Variants in PRR16 observed in about 807,000 individuals in gnomAD.
The protein encoded by PRR16 is protein Largen.
A neutral mutation model predicts 18.2 loss-of-function variants in PRR16; 6 were observed. The observed-to-expected ratio is 0.33, with a 90% CI of 0.18 to 0.65. The LOEUF (loss-of-function observed/expected upper bound fraction) is 0.65, where lower values mean the gene tolerates loss of function less well. Among genes scored for constraint, PRR16 ranks in the 30% least tolerant of loss-of-function variants. The pLI is 0.74. For missense variants in PRR16, 412 were observed against 376.6 expected, an observed-to-expected ratio of 1.09 and a Z score of -0.78; for synonymous variants, 151 against 147.8, an observed-to-expected ratio of 1.02 and a Z score of -0.16.
intron 1 of PRR16, among the ~76,000 whole-genome samples, chr5:120,635,446 T>G (rs1755195142): frequency 6.6e-6 from 1 of 152,110 alleles, no homozygotes; most frequent in South Asian, 2.1e-4. Context: ...AAACCAGGGA[T>G]GCAGGGATGG....
At chr5:120,467,303 A>T (rs1451620041) in intron 1 of PRR16, among the ~76,000 whole-genome samples, 1 of 152,194 alleles carries the variant, frequency 6.6e-6, no homozygotes, top group Non-Finnish European at 1.5e-5. Flanking sequence ...ATATTTTAAT[A>T]TAAATTATCG....
chr5:120,708,152 C>G, the PRR16 span, among the ~76,000 whole-genome samples: 1 of 152,184 alleles, frequency 6.6e-6, no homozygotes, highest in East Asian at 1.9e-4. Context: ...CCATTCTCAT[C>G]CCAGTTAAAT....
chr5:120,638,678 A>G (rs1281883679), intron 1 of PRR16, among the ~76,000 whole-genome samples: 1 of 152,138 alleles, frequency 6.6e-6, no homozygotes, highest in Non-Finnish European at 1.5e-5. Flanking sequence ...TCTTTTTTAA[A>G]CACAGATTCA....
chr5:120,464,490 T>C lies in PRR16; in HGVS notation c.4T>C (p.Ser2Pro). The C allele has an allele frequency of 6.3e-7, 1 of 1,587,354 alleles. No homozygotes were observed. Among genetic ancestry groups the C allele is most frequent in the Non-Finnish European group, 8.5e-7 (1 of 1,174,962 alleles). ...CTGCCTCGCTTGCCCCCAAAGAATG[T>C]CAGCCAAGTCCAAGGGGAACCCCTC... is the stretch of plus-strand genomic sequence containing the variant. M[S>P]AKSKGNPSSS... is the part of the protein sequence containing the mutation. Residue 2 changes from serine (S) to proline (P), a missense_variant, in exon 1 of 2, where the codon TCA (serine) becomes CCA (proline). Ser to Pro is a moderately conservative substitution (Grantham distance 74, BLOSUM62 -1). Transcript: ENST00000407149.
chr5:120,474,686 A>G (rs1749382750), intron 1 of PRR16, among the ~76,000 whole-genome samples: 1 of 151,794 alleles, frequency 6.6e-6, no homozygotes, highest in African/African-American at 2.4e-5. Flanking sequence ...ATGCCTTCCA[A>G]TTTCCATCCA....
chr5:120,665,710 A>G (rs1409674317), intron 1 of PRR16, among the ~76,000 whole-genome samples: 1 of 152,240 alleles, frequency 6.6e-6, no homozygotes, highest in African/African-American at 2.4e-5. Context: ...TTTATTAAAT[A>G]GGGAATCCTT....
At chr5:120,640,767 A>C (rs1056942262) in intron 1 of PRR16, among the ~76,000 whole-genome samples, 3 of 152,120 alleles carry the variant, frequency 2.0e-5, no homozygotes, top group African/African-American at 7.2e-5. Flanking sequence ...AAACAAATCA[A>C]AACAAAACAC....
chr5:120,690,188 G>A (rs957343752), downstream of PRR16, among the ~76,000 whole-genome samples: 3 of 152,140 alleles, frequency 2.0e-5, no homozygotes, highest in Non-Finnish European at 4.4e-5. Context: ...CATGACTAGA[G>A]CAGCAGCTAC....
chr5:120,605,121 G>T (rs1225303102), intron 1 of PRR16, among the ~76,000 whole-genome samples: 1 of 152,120 alleles, frequency 6.6e-6, no homozygotes, highest in Non-Finnish European at 1.5e-5. Flanking sequence ...TGGTTTTGTG[G>T]ACAGTATTCT....
chr5:120,716,889 TAAAAC>T, the PRR16 span, among the ~76,000 whole-genome samples: 12 of 147,812 alleles, frequency 8.1e-5, no homozygotes, highest in East Asian at 1.9e-4. Flanking sequence ...CAAAACAAAA[TAAAAC>T]AAACAAAAAT....
chr5:120,597,565 G>A (rs1253537961), intron 1 of PRR16, among the ~76,000 whole-genome samples: 6 of 151,726 alleles, frequency 4.0e-5, no homozygotes, highest in African/African-American at 7.3e-5. Context: ...CTCAAACAAC[G>A]TGTAGTCTTT....
chr5:120,767,047 C>A, the PRR16 span, among the ~76,000 whole-genome samples: 1 of 151,806 alleles, frequency 6.6e-6, no homozygotes, highest in Admixed American at 6.6e-5. Flanking sequence ...GTTTATGTAT[C>A]CATTCTTTAA....
At chr5:120,511,323 T>G (rs562979459) in intron 1 of PRR16, among the ~76,000 whole-genome samples, 55 of 152,268 alleles carry the variant, frequency 3.6e-4, no homozygotes, top group African/African-American at 1.2e-3. Flanking sequence ...CAAAATGGAC[T>G]CTCTCTTGGA....
At chr5:120,608,191 A>ATCTT (rs1754217773) in intron 1 of PRR16, among the ~76,000 whole-genome samples, 1 of 152,198 alleles carries the variant, frequency 6.6e-6, no homozygotes, top group Admixed American at 6.5e-5. Flanking sequence ...TGAAATCCAG[A>ATCTT]GGTTTCTGAT....
intron 1 of PRR16, among the ~76,000 whole-genome samples, chr5:120,604,549 C>G (rs1422304235): frequency 1.3e-5 from 2 of 152,080 alleles, no homozygotes; most frequent in African/African-American, 2.4e-5. Flanking sequence ...CATTTCCATT[C>G]AAGTTCAATA....
the PRR16 span, among the ~76,000 whole-genome samples, chr5:120,700,150 G>C: frequency 3.9e-5 from 6 of 152,122 alleles, no homozygotes; most frequent in Admixed American, 6.6e-5. Flanking sequence ...CCACGGGGTG[G>C]ATAGGCAAAA....
At chr5:120,666,313 C>G (rs1756374603) in intron 1 of PRR16, among the ~76,000 whole-genome samples, 1 of 152,114 alleles carries the variant, frequency 6.6e-6, no homozygotes, top group Admixed American at 6.5e-5. Flanking sequence ...GATTTTGTAT[C>G]CTGAGACTTT....
chr5:120,785,896 C>G, the PRR16 span, among the ~76,000 whole-genome samples: 2 of 151,060 alleles, frequency 1.3e-5, no homozygotes, highest in Non-Finnish European at 3.0e-5. Flanking sequence ...CTCTTTTTTC[C>G]TGATTTCTAA....
chr5:120,670,872 C>T (rs1256986864), intron 1 of PRR16, among the ~76,000 whole-genome samples: 18 of 152,126 alleles, frequency 1.2e-4, no homozygotes, highest in Non-Finnish European at 2.1e-4. Context: ...TCTGTAATTT[C>T]CGTAGATTTG....
Sources: allele counts gnomAD v4.1 joint callset (sites outside exome capture counted in the v4.1 genomes callset), GRCh38; gene constraint gnomAD v4.1.1; transcripts MANE v1.5; gene names NCBI Gene and HGNC (gene_info 2026-07-23, HGNC 2026-07-21).